KDM4C: variants seen among roughly 807,000 people sequenced by gnomAD.
KDM4C encodes the protein lysine demethylase 4C, also known as lysine-specific demethylase 4C.
A neutral mutation model predicts 129.3 loss-of-function variants in KDM4C; 81 were observed. That is an observed-to-expected ratio of 0.63 (90% CI 0.52 to 0.75). KDM4C has a LOEUF of 0.75. Ranked by LOEUF, KDM4C falls within the 30% of genes least tolerant of loss-of-function variation. The pLI is 0.00. For synonymous variants in KDM4C, 573 were observed against 456.1 expected (o/e 1.26, Z -3.26); for missense variants, 1,457 against 1,304.0 (o/e 1.12, Z -1.81).
intron 1 of KDM4C, among the ~76,000 whole-genome samples, chr9:6,725,019 A>G (rs1275923875): frequency 6.6e-6 from 1 of 152,138 alleles, no homozygotes; most frequent in African/African-American, 2.4e-5. Flanking sequence ...TCCAGTTTCT[A>G]GAGGCTCTCC....
intron 12 of KDM4C, among the ~76,000 whole-genome samples, chr9:6,990,830 T>G (rs1818612749): frequency 6.6e-6 from 1 of 152,198 alleles, no homozygotes; most frequent in Non-Finnish European, 1.5e-5. Flanking sequence ...TCTCTAAAGG[T>G]GTTAGATTTT....
At chr9:6,854,174 A>G (rs7849234) in intron 5 of KDM4C, among the ~76,000 whole-genome samples, 20,339 of 151,984 alleles carry the variant, frequency 0.13, 1,869 homozygotes, top group African/African-American at 0.25. Context: ...CTGCTAGAGG[A>G]TATAGAATTC....
At chr9:7,124,080 C>T (rs1352412010) in intron 18 of KDM4C, among the ~76,000 whole-genome samples, 7 of 152,160 alleles carry the variant, frequency 4.6e-5, no homozygotes, top group Non-Finnish European at 1.0e-4. Context: ...TGTTTCATAG[C>T]ACCCCTTTGA....
At chr9:6,856,682 C>A (rs1281596166) in intron 5 of KDM4C, among the ~76,000 whole-genome samples, 2 of 151,680 alleles carry the variant, frequency 1.3e-5, no homozygotes, top group East Asian at 3.9e-4. Context: ...AAGTGATCCT[C>A]CCACTTCAGC....
At chr9:7,062,681 G>A (rs947358239) in intron 17 of KDM4C, among the ~76,000 whole-genome samples, 1 of 151,852 alleles carries the variant, frequency 6.6e-6, no homozygotes, top group Non-Finnish European at 1.5e-5. Flanking sequence ...ACCGTGCCCA[G>A]CCCCCTTTTT....
At chr9:7,020,208 A>C (rs1824541413) in intron 15 of KDM4C, among the ~76,000 whole-genome samples, 1 of 152,228 alleles carries the variant, frequency 6.6e-6, no homozygotes. Context: ...TTTTTATTGT[A>C]CCCTAATTTG....
chr9:6,870,824 T>C (rs948575618), intron 5 of KDM4C, among the ~76,000 whole-genome samples: 4 of 99,840 alleles, frequency 4.0e-5, no homozygotes, highest in East Asian at 1.9e-4. Context: ...CACACGGCCT[T>C]AGTTAGGCGC....
At chr9:7,113,499 C>A (rs897586556) in intron 18 of KDM4C, among the ~76,000 whole-genome samples, 1 of 152,156 alleles carries the variant, frequency 6.6e-6, no homozygotes, top group African/African-American at 2.4e-5. Flanking sequence ...CACTGCTGAT[C>A]TTTTGCCATT....
rs143810246 is a variant in KDM4C, at chr9:6,873,083, C to T, written c.630-6929C>T. On this transcript the variant is annotated intron_variant, in intron 5 of 21. Coordinates refer to ENST00000381309, the MANE Select transcript of KDM4C (RefSeq NM_015061.6). ...TTGGGATTACAGGCGCGCACCACTC[C>T]ACCTCTTGGGTTCAAGTGATTCCCC... 4.6e-5 allele frequency among the ~76,000 whole-genome samples: 7 copies of T among 152,220 alleles called. No homozygotes were observed. The East Asian group carries it at 1.2e-3, about 25-fold the overall frequency.
chr9:7,061,747 C>T (rs6477142), intron 17 of KDM4C, among the ~76,000 whole-genome samples: 114,630 of 151,860 alleles, frequency 0.75, 43,434 homozygotes, highest in Admixed American at 0.79. Flanking sequence ...TTCCAGAGAC[C>T]CTCTTTTACT....
chr9:6,841,210 T>A lies in KDM4C; in HGVS notation c.436-8297T>A, dbSNP rs557037148. Among the ~76,000 whole-genome samples, 4 of 152,280 alleles carry A rather than the reference T, an allele frequency of 2.6e-5. No homozygotes were observed. The South Asian group carries it at 8.3e-4, about 32-fold the overall frequency. On this transcript the variant is annotated intron_variant, in intron 4 of 21. Coordinates refer to ENST00000381309, the MANE Select transcript of KDM4C (RefSeq NM_015061.6). ...TGAATTCTTGAATTTCAAAAATTTT[T>A]ATTGGTCATTATTGGCCCAGTTTGG...
intron 8 of KDM4C, among the ~76,000 whole-genome samples, chr9:6,894,485 C>G (rs1846543737): frequency 6.6e-6 from 1 of 152,184 alleles, no homozygotes; most frequent in South Asian, 2.1e-4. Context: ...AGTGTCTTGG[C>G]CACGAGGTTA....
At chr9:6,893,305 C>A (rs1028178855) in intron 8 of KDM4C, 73 bp downstream of exon 8, 2 of 1,241,826 alleles carry the variant, frequency 1.6e-6, no homozygotes, top group Non-Finnish European at 1.1e-6. Flanking sequence ...CCCTACGATC[C>A]TGTGCAGCAT....
chr9:6,807,137 G>A (rs553481328), intron 3 of KDM4C, among the ~76,000 whole-genome samples: 9 of 152,046 alleles, frequency 5.9e-5, no homozygotes, highest in South Asian at 2.1e-4. Flanking sequence ...TGATCCGCCA[G>A]CCTCGGCCTC....
chr9:7,099,205 A>C (rs4742309), intron 17 of KDM4C, among the ~76,000 whole-genome samples: 1 of 152,100 alleles, frequency 6.6e-6, no homozygotes, highest in African/African-American at 2.4e-5. Flanking sequence ...GAAGAAAAAA[A>C]CATCATAAAA....
At chr9:7,030,938 C>G (rs889550459) in intron 15 of KDM4C, among the ~76,000 whole-genome samples, 1 of 151,978 alleles carries the variant, frequency 6.6e-6, no homozygotes, top group Non-Finnish European at 1.5e-5. Flanking sequence ...TAATTATGCA[C>G]ATTTATTATT....
intron 8 of KDM4C, among the ~76,000 whole-genome samples, chr9:6,957,743 G>A (rs1415420366): frequency 6.6e-6 from 1 of 152,122 alleles, no homozygotes; most frequent in Non-Finnish European, 1.5e-5. Context: ...GGTGGGGAGG[G>A]GGTGAAAACA....
intron 19 of KDM4C, among the ~76,000 whole-genome samples, chr9:7,147,235 A>C (rs1842298063): frequency 6.6e-6 from 1 of 152,170 alleles, no homozygotes. Context: ...CAGATCTTGG[A>C]AGCAGTACAT....
chr9:6,924,035 G>T lies in KDM4C; in HGVS notation c.921+30803G>T, dbSNP rs1021149018. The stretch of plus-strand genomic sequence containing the variant: ...ACAGTTCTCAGCATGTCTTCCTCAG[G>T]TGCCTTAGGCGAGACAATGTTTACT... On this transcript the variant is annotated intron_variant, in intron 8 of 21. Coordinates refer to ENST00000381309, the MANE Select transcript of KDM4C (RefSeq NM_015061.6). 2.6e-4 allele frequency among the ~76,000 whole-genome samples: 40 copies of T among 152,148 alleles called. 1 individual carries two copies. Among genetic ancestry groups the T allele is most frequent in the Admixed American group, 2.5e-3 (38 of 15,278 alleles).
Sources: gnomAD v4.1 joint callset for allele counts (sites outside exome capture counted in the v4.1 genomes callset) on GRCh38, gnomAD v4.1.1 for gene constraint, MANE v1.5 for transcripts, NCBI Gene and HGNC (gene_info 2026-07-23, HGNC 2026-07-21) for gene names.